COL25A1: variants seen among roughly 807,000 people sequenced by gnomAD.
COL25A1 encodes collagen alpha-1(XXV) chain.
A neutral mutation model predicts 128.4 loss-of-function variants in COL25A1; 103 were observed. The ratio of observed to expected loss-of-function variants is 0.80; its 90% CI spans 0.68 to 0.94. The LOEUF (loss-of-function observed/expected upper bound fraction) is 0.94. Ranked by LOEUF, COL25A1 falls within the 40% of genes least tolerant of loss-of-function variation. COL25A1 has a pLI of 0.00. For missense variants in COL25A1, 745 were observed against 840.0 expected (o/e 0.89, Z 1.40); for synonymous variants, 279 against 277.2 (o/e 1.01, Z -0.06).
chr4:108,973,544 C>T (rs1408713208), intron 8 of COL25A1, among the ~76,000 whole-genome samples: 2 of 151,920 alleles, frequency 1.3e-5, no homozygotes, highest in Non-Finnish European at 2.9e-5. Flanking sequence ...GAAAGACCTA[C>T]ATAGTTTCTT....
chr4:109,129,409 A>G (rs1768947851), intron 3 of COL25A1, among the ~76,000 whole-genome samples: 1 of 152,154 alleles, frequency 6.6e-6, no homozygotes, highest in South Asian at 2.1e-4. Context: ...GATTACAGGC[A>G]TGAGCCACTG....
At chr4:109,145,320 G>T (rs756415283) in intron 3 of COL25A1, among the ~76,000 whole-genome samples, 2 of 152,016 alleles carry the variant, frequency 1.3e-5, no homozygotes, top group Non-Finnish European at 1.5e-5. Flanking sequence ...GCCCGCCTCG[G>T]TCTCCCAAAG....
chr4:108,824,180 T>A lies in COL25A1; in HGVS notation c.1839A>T (p.Gly613=), dbSNP rs7689008. 76 of 1,613,554 alleles carry A rather than the reference T, an allele frequency of 4.7e-5. No individual in the cohort carries two copies. Among genetic ancestry groups the A allele is most frequent in the Non-Finnish European group, 5.8e-5 (68 of 1,179,870 alleles). ...GCTGGGATGGAGAGGTCACCTTTTCTCCCTTTTCTCCTAGATCACCCTTCT... is the reference window on the plus strand; with the variant it reads ...GCTGGGATGGAGAGGTCACCTTTTCACCCTTTTCTCCTAGATCACCCTTCT... The part of the protein sequence containing the change: ...RGEKGDLGEK[G]EKGFRGVKGE... Residue 613 remains glycine (G), a synonymous_variant, in exon 35 of 38, where the codon GGA becomes GGT. Transcript: ENST00000399132.
At chr4:109,194,819 C>G (rs1291987972) in intron 3 of COL25A1, among the ~76,000 whole-genome samples, 1 of 152,104 alleles carries the variant, frequency 6.6e-6, no homozygotes, top group Non-Finnish European at 1.5e-5. Context: ...TTTCTCTGCT[C>G]CTTGACTTCA....
At chr4:109,153,716 C>T (rs956907219) in intron 3 of COL25A1, among the ~76,000 whole-genome samples, 1 of 152,184 alleles carries the variant, frequency 6.6e-6, no homozygotes, top group Non-Finnish European at 1.5e-5. Flanking sequence ...CCAGTGATTA[C>T]TCAACTAACA....
intron 3 of COL25A1, among the ~76,000 whole-genome samples, chr4:109,050,596 G>A (rs1319606597): frequency 2.6e-5 from 4 of 151,972 alleles, no homozygotes; most frequent in Non-Finnish European, 4.4e-5. Context: ...TTTCTTTTCA[G>A]TCAGGTCCAT....
At chr4:109,116,361 G>A (rs946921013) in intron 3 of COL25A1, among the ~76,000 whole-genome samples, 3 of 152,010 alleles carry the variant, frequency 2.0e-5, no homozygotes, top group African/African-American at 4.8e-5. Context: ...AGCCTGTTGC[G>A]ATTTTATCAG....
chr4:108,986,052 A>G (rs570966473), intron 6 of COL25A1, among the ~76,000 whole-genome samples: 2 of 152,292 alleles, frequency 1.3e-5, no homozygotes, highest in South Asian at 4.1e-4. Flanking sequence ...ACTTAACTTA[A>G]TCTATTGCCA....
intron 6 of COL25A1, among the ~76,000 whole-genome samples, chr4:109,003,464 T>C (rs991696187): frequency 6.6e-6 from 1 of 152,250 alleles, no homozygotes; most frequent in Non-Finnish European, 1.5e-5. Flanking sequence ...TTCATTTCAA[T>C]AAATTTAGCC....
intron 32 of COL25A1, 49 bp from the exon 33 acceptor site, chr4:108,827,237 A>G (rs765080926): frequency 6.8e-7 from 1 of 1,476,890 alleles, no homozygotes; most frequent in Non-Finnish European, 9.5e-7. Flanking sequence ...ACCTACATTC[A>G]CACACTTTCT....
chr4:109,069,534 T>G (rs1762739812), intron 3 of COL25A1, among the ~76,000 whole-genome samples: 1 of 152,182 alleles, frequency 6.6e-6, no homozygotes, highest in Non-Finnish European at 1.5e-5. Context: ...CGTCAACTTT[T>G]AACTACTACT....
At chr4:109,061,843 C>T (rs1762000974) in intron 3 of COL25A1, among the ~76,000 whole-genome samples, 1 of 152,158 alleles carries the variant, frequency 6.6e-6, no homozygotes, top group African/African-American at 2.4e-5. Flanking sequence ...TAAAATGTTT[C>T]CCCATATGAT....
chr4:108,851,930 C>T (rs1376590994), intron 26 of COL25A1, among the ~76,000 whole-genome samples: 1 of 152,038 alleles, frequency 6.6e-6, no homozygotes, highest in African/African-American at 2.4e-5. Context: ...TTTTCATACA[C>T]CACATTTAGT....
rs150293028 is a variant in COL25A1 at position 108,861,043 on chromosome 4, T to C, written c.1198-72A>G. ...CTAGAAATCTCGTGTAAGAACATGT[T>C]TATGCCATACAGAAGCACCTTTAAT... On this transcript the variant is annotated intron_variant, in intron 22 of 37. Transcript: ENST00000399132. 2.0e-4 allele frequency: 260 copies of C among 1,320,838 alleles called. 5 individuals are homozygous for C. The East Asian group carries it at 5.8e-3, about 29-fold the overall frequency. The allele number at this position is 1,320,838 out of a possible 1,614,324, so 81.8% of individuals were successfully genotyped here.
At chr4:109,021,915 A>G in intron 5 of COL25A1, 1 of 359,486 alleles carries the variant, frequency 2.8e-6, no homozygotes, top group Non-Finnish European at 5.5e-6. Flanking sequence ...TTGAGGTGAG[A>G]CCGGTTCTCT....
rs1578681541 is a variant in COL25A1 at position 109,302,586 on chromosome 4, G to C, written c.-474C>G. 1 of 153,298 alleles carries C rather than the reference G, an allele frequency of 6.5e-6. No individual in the cohort carries two copies. Among genetic ancestry groups the C allele is most frequent in the East Asian group, 1.9e-4 (1 of 5,200 alleles). The allele number at this position is 153,298 out of a possible 1,614,324, so 9.5% of individuals were successfully genotyped here. ...AAAGGGGCGACTAAGGTGGAGAAGA[G>C]AGAGGAAAACGAAATAAACCCAAGG... On this transcript the variant is annotated 5_prime_UTR_variant, in exon 1 of 38. Coordinates refer to ENST00000399132, the MANE Select transcript of COL25A1 (RefSeq NM_198721.4).
At chr4:108,917,125 G>T (rs1335107672) in intron 13 of COL25A1, among the ~76,000 whole-genome samples, 1 of 152,138 alleles carries the variant, frequency 6.6e-6, no homozygotes, top group East Asian at 1.9e-4. Flanking sequence ...ACTGAGGCCA[G>T]AGAATTCCAA....
intron 3 of COL25A1, among the ~76,000 whole-genome samples, chr4:109,069,019 G>C (rs1283851072): frequency 1.3e-5 from 2 of 151,900 alleles, no homozygotes; most frequent in African/African-American, 2.4e-5. Context: ...CACAGGCTAT[G>C]ACACATATTA....
At chr4:109,135,460 T>C (rs1479695554) in intron 3 of COL25A1, among the ~76,000 whole-genome samples, 1 of 152,164 alleles carries the variant, frequency 6.6e-6, no homozygotes, top group East Asian at 1.9e-4. Flanking sequence ...CTATTTTCAA[T>C]GCAAAAATTT....
Sources: gnomAD v4.1 joint callset for allele counts (sites outside exome capture counted in the v4.1 genomes callset) on GRCh38, gnomAD v4.1.1 for gene constraint, MANE v1.5 for transcripts, NCBI Gene and HGNC (gene_info 2026-07-23, HGNC 2026-07-21) for gene names.